MCC: variants seen among roughly 807,000 people sequenced by gnomAD.
The protein encoded by MCC is colorectal mutant cancer protein.
MCC carries 90 observed loss-of-function variants against 116.2 expected under a neutral mutation model. The ratio of observed to expected loss-of-function variants is 0.77; its 90% CI spans 0.65 to 0.92. The LOEUF (loss-of-function observed/expected upper bound fraction) is 0.92, where lower values mean the gene tolerates loss of function less well. Ranked by LOEUF, MCC falls within the 40% of genes least tolerant of loss-of-function variation. The probability of loss-of-function intolerance (pLI) is 0.00; values close to 1 mark genes in which losing one functional copy is unlikely to be tolerated. For synonymous variants in MCC, 578 were observed against 510.5 expected, an observed-to-expected ratio of 1.13 and a Z score of -1.78; for missense variants, 1,516 against 1,312.2, an observed-to-expected ratio of 1.16 and a Z score of -2.40.
intron 3 of MCC, among the ~76,000 whole-genome samples, chr5:113,298,624 A>G (rs924844239): frequency 1.3e-5 from 2 of 152,146 alleles, no homozygotes; most frequent in African/African-American, 4.8e-5. Context: ...AAGTTCCTAA[A>G]AAGGGAGAAA....
intron 2 of MCC, among the ~76,000 whole-genome samples, chr5:113,358,788 C>T (rs754147346): frequency 6.6e-6 from 1 of 152,174 alleles, no homozygotes; most frequent in Non-Finnish European, 1.5e-5. Context: ...CTGACATCAA[C>T]AGAAGCAGCA....
chr5:113,386,110 G>T lies in MCC; in HGVS notation c.171-898C>A, dbSNP rs185047253. On this transcript the variant is annotated intron_variant, in intron 1 of 18. Transcript: ENST00000408903. ...CCTAACCTCCTTTAGCAAATATTTTGCTCATATTCCTCCAACTGCAGGTTT... is the reference window on the plus strand; with the variant it reads ...CCTAACCTCCTTTAGCAAATATTTTTCTCATATTCCTCCAACTGCAGGTTT... 1.6e-4 allele frequency among the ~76,000 whole-genome samples: 25 copies of T among 152,120 alleles called. 1 individual carries two copies. Among genetic ancestry groups the T allele is most frequent in the Admixed American group, 1.4e-3 (21 of 15,278 alleles).
At chr5:113,237,026 G>A (rs1172308672) in intron 3 of MCC, among the ~76,000 whole-genome samples, 3 of 152,184 alleles carry the variant, frequency 2.0e-5, no homozygotes, top group Non-Finnish European at 2.9e-5. Flanking sequence ...AAGTGGCAAC[G>A]GGGCTCCTGA....
At chr5:113,235,339 T>G (rs902386828) in intron 3 of MCC, among the ~76,000 whole-genome samples, 10 of 152,234 alleles carry the variant, frequency 6.6e-5, no homozygotes, top group Non-Finnish European at 1.5e-4. Flanking sequence ...AGATTCCAAT[T>G]ATCAAACACA....
At chr5:113,320,253 G>A (rs1767385422) in intron 3 of MCC, among the ~76,000 whole-genome samples, 1 of 148,890 alleles carries the variant, frequency 6.7e-6, no homozygotes, top group African/African-American at 2.6e-5. Context: ...AGCCTACTAT[G>A]TAGTACACAC....
intron 3 of MCC, among the ~76,000 whole-genome samples, chr5:113,195,968 C>T (rs1762385795): frequency 6.6e-6 from 1 of 152,166 alleles, no homozygotes; most frequent in African/African-American, 2.4e-5. Flanking sequence ...GTTTTCTCTT[C>T]CAACTACTGA....
intron 3 of MCC, among the ~76,000 whole-genome samples, chr5:113,333,197 C>T (rs541085087): frequency 6.6e-6 from 1 of 151,846 alleles, no homozygotes; most frequent in Non-Finnish European, 1.5e-5. Context: ...CTTATTCACA[C>T]ACCTTTTAAA....
intron 5 of MCC, among the ~76,000 whole-genome samples, chr5:113,138,805 T>G (rs796107468): frequency 2.6e-5 from 4 of 152,304 alleles, no homozygotes; most frequent in South Asian, 2.1e-4. Context: ...ACACTCTCCC[T>G]TATAAGTACC....
chr5:113,077,563 A>G (rs1376444747), intron 11 of MCC, among the ~76,000 whole-genome samples: 11 of 152,342 alleles, frequency 7.2e-5, no homozygotes, highest in African/African-American at 2.4e-4. Flanking sequence ...ACTACTGGGT[A>G]CATAATGAAA....
At chr5:113,122,559 A>T in intron 6 of MCC, 125 bp downstream of exon 6, 1 of 1,037,166 alleles carries the variant, frequency 9.6e-7, no homozygotes, top group Non-Finnish European at 1.4e-6. Context: ...AATACATGTG[A>T]CTTCATCCAC....
intron 3 of MCC, among the ~76,000 whole-genome samples, chr5:113,293,008 G>A (rs956241260): frequency 6.6e-6 from 1 of 152,126 alleles, no homozygotes; most frequent in Non-Finnish European, 1.5e-5. Context: ...CATTTCTTGA[G>A]TCTTCTACAT....
At chr5:113,384,895 C>G (rs1241231077) in intron 2 of MCC, 73 bp downstream of exon 2, 1 of 1,546,198 alleles carries the variant, frequency 6.5e-7, no homozygotes, top group Admixed American at 1.7e-5. Flanking sequence ...GATGGGGAGG[C>G]TACTCTCATT....
At chr5:113,164,340 C>T (rs994447419) in intron 3 of MCC, among the ~76,000 whole-genome samples, 1 of 152,190 alleles carries the variant, frequency 6.6e-6, no homozygotes, top group Non-Finnish European at 1.5e-5. Context: ...CTCCTTGCAA[C>T]TTGTCCCATT....
chr5:113,371,537 A>C (rs1768836821), intron 2 of MCC, among the ~76,000 whole-genome samples: 1 of 152,224 alleles, frequency 6.6e-6, no homozygotes, highest in African/African-American at 2.4e-5. Context: ...AGAACTGACA[A>C]ATATGCATGC....
At chr5:113,359,539 T>C (rs1768495629) in intron 2 of MCC, among the ~76,000 whole-genome samples, 1 of 152,250 alleles carries the variant, frequency 6.6e-6, no homozygotes, top group African/African-American at 2.4e-5. Flanking sequence ...TCAAGTTTAA[T>C]ATAAAAGGCA....
chr5:113,163,469 T>G (rs1175023583), intron 3 of MCC, among the ~76,000 whole-genome samples: 3 of 150,914 alleles, frequency 2.0e-5, no homozygotes, highest in Non-Finnish European at 4.4e-5. Flanking sequence ...ACAGATCACC[T>G]ATTCTCCCCC....
chr5:113,246,104 A>G (rs2150341361), intron 3 of MCC, among the ~76,000 whole-genome samples: 1 of 152,372 alleles, frequency 6.6e-6, no homozygotes, highest in East Asian at 1.9e-4. Flanking sequence ...TAGTTATAAA[A>G]GATGGCTTAC....
intron 3 of MCC, among the ~76,000 whole-genome samples, chr5:113,188,067 T>C (rs1022276432): frequency 6.6e-6 from 1 of 151,834 alleles, no homozygotes; most frequent in African/African-American, 2.4e-5. Context: ...ACTCCCGGGG[T>C]TTTTGAAAAG....
chr5:113,239,416 C>T (rs1025159483), intron 3 of MCC, among the ~76,000 whole-genome samples: 13 of 152,122 alleles, frequency 8.5e-5, no homozygotes, highest in African/African-American at 1.7e-4. Flanking sequence ...AGGGGGTCCT[C>T]GCATGCAGCA....
Sources: gnomAD v4.1 joint callset for allele counts (sites outside exome capture counted in the v4.1 genomes callset) on GRCh38, gnomAD v4.1.1 for gene constraint, MANE v1.5 for transcripts, NCBI Gene and HGNC (gene_info 2026-07-23, HGNC 2026-07-21) for gene names.